The following WDPCP variants were observed in gnomAD, a reference collection of about 807,000 sequenced individuals.
The protein encoded by WDPCP is WD repeat-containing and planar cell polarity effector protein fritz homolog.
WDPCP carries 71 observed loss-of-function variants against 93.1 expected under a neutral mutation model. That is an observed-to-expected ratio of 0.76 (90% CI 0.63 to 0.93). The LOEUF (loss-of-function observed/expected upper bound fraction) is 0.93. Among genes scored for constraint, WDPCP ranks in the 40% least tolerant of loss-of-function variants. The pLI is 0.00. For synonymous variants in WDPCP, 315 were observed against 315.0 expected, an observed-to-expected ratio of 1.00 and a Z score of 0.00; for missense variants, 844 against 887.4, an observed-to-expected ratio of 0.95 and a Z score of 0.62.
chr2:63,315,352 A>G (rs1686552934), intron 12 of WDPCP, among the ~76,000 whole-genome samples: 1 of 152,200 alleles, frequency 6.6e-6, no homozygotes, highest in Non-Finnish European at 1.5e-5. Context: ...TGATTAAGCC[A>G]GGGGCTAAAA....
At chr2:63,575,378 A>C (rs796190428) in intron 1 of WDPCP, among the ~76,000 whole-genome samples, 1 of 126,652 alleles carries the variant, frequency 7.9e-6, no homozygotes, top group Non-Finnish European at 1.7e-5. Context: ...CAGTATATAC[A>C]GTATATACAC....
At chr2:63,530,741 T>C (rs893469508) in intron 1 of WDPCP, among the ~76,000 whole-genome samples, 4 of 152,116 alleles carry the variant, frequency 2.6e-5, no homozygotes, top group Non-Finnish European at 5.9e-5. Flanking sequence ...GATGACCAAA[T>C]AGGAACAGCT....
At chr2:63,537,260 A>G (rs1197795290) in intron 1 of WDPCP, among the ~76,000 whole-genome samples, 1 of 152,174 alleles carries the variant, frequency 6.6e-6, no homozygotes. Flanking sequence ...TATTTCACAA[A>G]TACATCTAGT....
At chr2:63,703,222 T>A (rs1669090080) in intron 2 of WDPCP, among the ~76,000 whole-genome samples, 1 of 152,214 alleles carries the variant, frequency 6.6e-6, no homozygotes, top group Non-Finnish European at 1.5e-5. Context: ...TTTATAATCC[T>A]TTGGTTATAT....
At chr2:63,314,601 T>G (rs1430145758) in intron 12 of WDPCP, among the ~76,000 whole-genome samples, 1 of 152,134 alleles carries the variant, frequency 6.6e-6, no homozygotes, top group East Asian at 1.9e-4. Context: ...TTTTTTGTTT[T>G]CCCTTCCTTA....
chr2:63,827,987 T>C (rs992610101), upstream of WDPCP: 1 of 152,150 alleles, frequency 6.6e-6, no homozygotes, highest in African/African-American at 2.4e-5. Flanking sequence ...CATGCAAGAA[T>C]TTGAGTCTGG....
intron 17 of WDPCP, among the ~76,000 whole-genome samples, chr2:63,144,096 T>G (rs1671288736): frequency 6.6e-6 from 1 of 152,198 alleles, no homozygotes; most frequent in African/African-American, 2.4e-5. Context: ...GTTTGGTTGT[T>G]TAACGTAATC....
At chr2:63,556,029 G>A (rs1450883911) in intron 1 of WDPCP, among the ~76,000 whole-genome samples, 1 of 152,158 alleles carries the variant, frequency 6.6e-6, no homozygotes, top group Non-Finnish European at 1.5e-5. Context: ...GCTTCAGAAG[G>A]TAAGTAATAA....
chr2:63,257,878 G>C (rs1222257887), intron 14 of WDPCP, among the ~76,000 whole-genome samples: 4 of 152,220 alleles, frequency 2.6e-5, no homozygotes, highest in African/African-American at 7.2e-5. Flanking sequence ...GGAATAAAAG[G>C]CAGGGTACAG....
chr2:63,427,603 C>T (rs1406323402), intron 9 of WDPCP, among the ~76,000 whole-genome samples: 3 of 151,988 alleles, frequency 2.0e-5, no homozygotes, highest in South Asian at 4.1e-4. Context: ...GAAAATTTCC[C>T]GCAGTAAATG....
At chr2:63,832,978 C>T in the WDPCP span, among the ~76,000 whole-genome samples, 2 of 152,184 alleles carry the variant, frequency 1.3e-5, no homozygotes, top group Non-Finnish European at 2.9e-5. Flanking sequence ...TCAGGCCGGG[C>T]ACAGTGGCTC....
intron 3 of WDPCP, chr2:63,643,546 G>C (rs554412314): frequency 2.4e-6 from 1 of 423,496 alleles, no homozygotes; most frequent in African/African-American, 2.1e-5. Flanking sequence ...CAGTAATCTT[G>C]CCAGTCTCCA....
chr2:63,248,425 T>C (rs568153588), intron 14 of WDPCP, among the ~76,000 whole-genome samples: 2 of 152,296 alleles, frequency 1.3e-5, no homozygotes, highest in African/African-American at 4.8e-5. Context: ...TTGATTCTAC[T>C]TGAAGTTCAT....
chr2:63,392,578 C>G (rs187382533), intron 10 of WDPCP, among the ~76,000 whole-genome samples: 5,167 of 152,234 alleles, frequency 0.034, 155 homozygotes, highest in Non-Finnish European at 0.05. Context: ...GCAAAAGAAA[C>G]TACCATTAGA....
intron 13 of WDPCP, among the ~76,000 whole-genome samples, chr2:63,288,879 G>T (rs1380256895): frequency 6.6e-6 from 1 of 151,606 alleles, no homozygotes. Context: ...GTATAGGCTG[G>T]TTATTAGAAT....
intron 2 of WDPCP, among the ~76,000 whole-genome samples, chr2:63,812,433 C>T (rs13023873): frequency 0.12 from 17,528 of 152,172 alleles, 1,277 homozygotes; most frequent in Non-Finnish European, 0.16. Flanking sequence ...TACCCACTAA[C>T]GGCATTGCTG....
At chr2:63,830,623 C>G (rs532143468), upstream of WDPCP, among the ~76,000 whole-genome samples, 138 of 152,226 alleles carry the variant, frequency 9.1e-4, 1 homozygote, top group African/African-American at 3.3e-3. Flanking sequence ...GGGTAACTGA[C>G]TTTTGTTTGG....
chr2:63,529,745 T>C (rs1320728571), intron 1 of WDPCP, among the ~76,000 whole-genome samples: 1 of 149,082 alleles, frequency 6.7e-6, no homozygotes, highest in African/African-American at 2.4e-5. Context: ...GAGTTAGGGA[T>C]TGATTGGAAT....
the WDPCP span, among the ~76,000 whole-genome samples, chr2:63,833,121 C>T: frequency 2.0e-5 from 3 of 152,102 alleles, no homozygotes; most frequent in Non-Finnish European, 1.5e-5. Context: ...GGTGTGGTGG[C>T]AGGCGCCTGT....
Sources: gnomAD v4.1 joint callset for allele counts (sites outside exome capture counted in the v4.1 genomes callset) on GRCh38, gnomAD v4.1.1 for gene constraint, MANE v1.5 for transcripts, NCBI Gene and HGNC (gene_info 2026-07-23, HGNC 2026-07-21) for gene names.